Variants in COL27A1 observed in about 807,000 individuals in gnomAD.
COL27A1 encodes the protein collagen alpha-1(XXVII) chain.
A neutral mutation model predicts 251.3 loss-of-function variants in COL27A1; 106 were observed. The observed-to-expected ratio is 0.42, with a 90% CI of 0.36 to 0.50. The LOEUF is 0.50. Ranked by LOEUF, COL27A1 falls within the 20% of genes least tolerant of loss-of-function variation. COL27A1 has a pLI of 0.00. For synonymous variants in COL27A1, 1,000 were observed against 986.3 expected, an observed-to-expected ratio of 1.01 and a Z score of -0.26; for missense variants, 2,325 against 2,522.8, an observed-to-expected ratio of 0.92 and a Z score of 1.68.
In COL27A1 at chr9:114,240,238, G is replaced by A; in HGVS notation, c.2746G>A (p.Gly916Ser). 3.7e-6 allele frequency: 6 copies of A among 1,608,560 alleles called. No homozygotes were observed. The highest frequency in any genetic ancestry group is 4.2e-6 in the Non-Finnish European group (5 of 1,177,134). Residue 916 changes from glycine to serine, a missense_variant, in exon 20 of 61, where the codon GGC becomes AGC. This residue lies in a region of COL27A1 where 662 missense variants were observed against 795.3 expected (regional missense o/e 0.83). Transcript: ENST00000356083. ...PGPEGFPGDIGPPGDNGPEGM... is the reference protein window; with the variant it reads ...PGPEGFPGDISPPGDNGPEGM... ...CCCTCAGGGATTCCCAGGAGACATC[G>A]GCCCCCCTGGCGACAATGGCCCAGA...
intron 49 of COL27A1, among the ~76,000 whole-genome samples, chr9:114,295,059 T>C (rs1458363444): frequency 1.3e-5 from 2 of 152,232 alleles, no homozygotes; most frequent in Non-Finnish European, 2.9e-5. Context: ...ATGAATTGCA[T>C]TTCTATACAC....
chr9:114,205,491 C>T (rs1281974223), intron 8 of COL27A1, among the ~76,000 whole-genome samples: 3 of 152,228 alleles, frequency 2.0e-5, no homozygotes, highest in African/African-American at 2.4e-5. Flanking sequence ...CCAAGTGAAA[C>T]AGCAGCCCTG....
chr9:114,181,948 G>A (rs528197194), intron 4 of COL27A1, among the ~76,000 whole-genome samples: 363 of 152,224 alleles, frequency 2.4e-3, no homozygotes, highest in Admixed American at 4.0e-3. Context: ...GTGTCTAAGG[G>A]TCTGATCACG....
chr9:114,219,202 G>T (rs1212940312), intron 12 of COL27A1, among the ~76,000 whole-genome samples: 1 of 152,192 alleles, frequency 6.6e-6, no homozygotes, highest in Admixed American at 6.5e-5. Context: ...ACCTGCCTGG[G>T]CCGGGCAGCT....
chr9:114,172,422 C>A (rs1849385127), intron 3 of COL27A1, among the ~76,000 whole-genome samples: 1 of 152,152 alleles, frequency 6.6e-6, no homozygotes, highest in Admixed American at 6.5e-5. Context: ...CCATGCTGAG[C>A]CTGTTTTTGT....
chr9:114,254,073 A>G (rs1588780124), intron 27 of COL27A1, among the ~76,000 whole-genome samples: 1 of 152,144 alleles, frequency 6.6e-6, no homozygotes, highest in African/African-American at 2.4e-5. Flanking sequence ...ATGTGGCAGC[A>G]AGAAAGGTAG....
chr9:114,270,440 A>G (rs1416213130), intron 35 of COL27A1, among the ~76,000 whole-genome samples: 1 of 152,130 alleles, frequency 6.6e-6, no homozygotes, highest in Non-Finnish European at 1.5e-5. Context: ...TAAATTCGTG[A>G]CCTCATGTAG....
chr9:114,261,131 G>A (rs796407217), intron 28 of COL27A1, among the ~76,000 whole-genome samples: 9 of 152,310 alleles, frequency 5.9e-5, no homozygotes, highest in African/African-American at 1.9e-4. Flanking sequence ...CTTGCTGCAG[G>A]GTGGCAGCAC....
chr9:114,177,089 A>G (rs987219994), intron 3 of COL27A1, among the ~76,000 whole-genome samples: 35 of 152,236 alleles, frequency 2.3e-4, no homozygotes, highest in African/African-American at 8.4e-4. Flanking sequence ...TCAGGCGCTT[A>G]GTTAATCCTC....
chr9:114,216,476 A>C (rs866129022), intron 12 of COL27A1, among the ~76,000 whole-genome samples: 1 of 152,260 alleles, frequency 6.6e-6, no homozygotes, highest in Non-Finnish European at 1.5e-5. Context: ...CCTAAGACCC[A>C]GGGAGCTCTG....
At chr9:114,283,496 G>C (rs1046039180) in intron 39 of COL27A1, among the ~76,000 whole-genome samples, 2 of 152,104 alleles carry the variant, frequency 1.3e-5, no homozygotes, top group African/African-American at 4.8e-5. Context: ...CGAACCCCTG[G>C]AGCCAGGAGA....
intron 36 of COL27A1, chr9:114,272,016 C>CA (rs1198304106): frequency 2.6e-5 from 4 of 152,244 alleles, no homozygotes; most frequent in African/African-American, 9.7e-5. Context: ...AGCCGAGTCC[C>CA]AAGACCCGGA....
At position 114,205,208 on chromosome 9, in the gene COL27A1, T is replaced by A. The variant is rs925255253; in HGVS notation, c.2169+62T>A. Reference sequence around the variant, plus strand: ...TCCCTCCTCCCAGCCCCTACCTGTCTCTGGCCCCCTCCCTAGATCCTGCTC... The same window carrying A: ...TCCCTCCTCCCAGCCCCTACCTGTCACTGGCCCCCTCCCTAGATCCTGCTC... On this transcript the variant is annotated intron_variant, in intron 8 of 60. Transcript: ENST00000356083. The A allele has an allele frequency of 6.8e-6, 10 of 1,470,232 alleles. No individual in the cohort carries two copies. In the Admixed American group the frequency reaches 1.7e-4, roughly 26 times the overall value. The allele number at this position is 1,470,232 out of a possible 1,614,324, so 91.1% of individuals were successfully genotyped here.
intron 12 of COL27A1, among the ~76,000 whole-genome samples, 169 bp from the exon 13 acceptor site, chr9:114,219,622 G>A (rs1157123222): frequency 6.6e-6 from 1 of 152,154 alleles, no homozygotes; most frequent in Non-Finnish European, 1.5e-5. Flanking sequence ...TTATGTTCAG[G>A]TGCTTGTCGA....
chr9:114,255,381 A>T (rs1833854522), intron 27 of COL27A1, among the ~76,000 whole-genome samples: 1 of 152,138 alleles, frequency 6.6e-6, no homozygotes, highest in Non-Finnish European at 1.5e-5. Flanking sequence ...GAGTACAAGG[A>T]TGCTGGGGGT....
Position 114,289,306 on chromosome 9 carries a change from C to G in COL27A1, c.4206+11C>G, listed in dbSNP as rs72762675. 0.34 allele frequency: 541,517 copies of G among 1,569,854 alleles called. 98,103 individuals are homozygous for G. The highest frequency in any genetic ancestry group is 0.6 in the East Asian group (26,251 of 43,572). On this transcript the variant is annotated intron_variant, in intron 45 of 60. Transcript: ENST00000356083. ...TCGAAAGGCGCAGAGGTAAGAGGGC[C>G]GGGGGTTCAGCAGGGAGACTGAGTC...
At chr9:114,185,251 C>A (rs557327365) in intron 5 of COL27A1, among the ~76,000 whole-genome samples, 1 of 152,238 alleles carries the variant, frequency 6.6e-6, no homozygotes, top group African/African-American at 2.4e-5. Flanking sequence ...GGACAGGACT[C>A]CCATTTGCAT....
At chr9:114,287,503 GC>G (rs577582000) in intron 41 of COL27A1, among the ~76,000 whole-genome samples, 100 of 151,694 alleles carry the variant, frequency 6.6e-4, no homozygotes, top group Non-Finnish European at 1.0e-3. Flanking sequence ...ACTCTGTTCC[GC>G]CCCCCCCACC....
intron 24 of COL27A1, 124 bp from the exon 25 acceptor site, chr9:114,250,491 A>T (rs562986643): frequency 1.2e-6 from 1 of 835,144 alleles, no homozygotes; most frequent in South Asian, 1.5e-5. Flanking sequence ...GCACAACCCC[A>T]TGCTGGCTGG....
Sources: gnomAD v4.1 joint callset for allele counts (sites outside exome capture counted in the v4.1 genomes callset) on GRCh38, gnomAD v4.1.1 for gene constraint, gnomAD v4.1.1 regional missense constraint, MANE v1.5 for transcripts, NCBI Gene and HGNC (gene_info 2026-07-23, HGNC 2026-07-21) for gene names.